NTNG1: variants seen among roughly 807,000 people sequenced by gnomAD.
NTNG1 encodes netrin G1.
A neutral mutation model predicts 54.0 loss-of-function variants in NTNG1; 16 were observed. That is an observed-to-expected ratio of 0.30 (90% CI 0.20 to 0.45). NTNG1 has a LOEUF of 0.45. Among genes scored for constraint, NTNG1 ranks in the 20% least tolerant of loss-of-function variants. The pLI is 1.00. For synonymous variants in NTNG1, 255 were observed against 263.1 expected (o/e 0.97, Z 0.30); for missense variants, 530 against 678.7 (o/e 0.78, Z 2.43).
intron 3 of NTNG1, among the ~76,000 whole-genome samples, chr1:107,384,400 T>G (rs1031229520): frequency 6.6e-6 from 1 of 152,192 alleles, no homozygotes; most frequent in African/African-American, 2.4e-5. Context: ...GACTTTCTGG[T>G]CCTTGTTCCA....
At chr1:107,413,497 T>A (rs1557979287) in intron 5 of NTNG1, among the ~76,000 whole-genome samples, 1 of 152,154 alleles carries the variant, frequency 6.6e-6, no homozygotes, top group Non-Finnish European at 1.5e-5. Flanking sequence ...TCCTGAGGAA[T>A]GACAGCAGTG....
rs932382195 is a variant in NTNG1 at position 107,484,088 on chromosome 1, A to C, written c.*3248A>C. Among the ~76,000 whole-genome samples the C allele has an allele frequency of 6.6e-6, 1 of 152,178 alleles. No homozygotes were observed. Among genetic ancestry groups the C allele is most frequent in the Non-Finnish European group, 1.5e-5 (1 of 68,030 alleles). ...AAATGTAGGCCCCCTCTGGGGGTTT[A>C]AACTCCTGGAGGCAAGCAACATCCT... On this transcript the variant is annotated 3_prime_UTR_variant, in exon 8 of 8. Transcript: ENST00000370068.
chr1:107,244,531 T>C (rs1344226941), intron 2 of NTNG1, among the ~76,000 whole-genome samples: 2 of 152,256 alleles, frequency 1.3e-5, no homozygotes, highest in African/African-American at 2.4e-5. Context: ...GAGATCATGT[T>C]CAAGCTTTAA....
intron 2 of NTNG1, among the ~76,000 whole-genome samples, chr1:107,322,318 CT>C (rs1291476439): frequency 1.3e-5 from 2 of 152,074 alleles, no homozygotes; most frequent in Non-Finnish European, 1.5e-5. Context: ...TTCCATACCC[CT>C]GACCTCAGAT....
intron 2 of NTNG1, among the ~76,000 whole-genome samples, chr1:107,262,277 AG>A (rs1158177039): frequency 2.4e-4 from 37 of 152,334 alleles, no homozygotes; most frequent in Non-Finnish European, 4.6e-4. Context: ...GGAGACTGGG[AG>A]GACGACTAGG....
chr1:107,167,978 C>T (rs565222708), intron 2 of NTNG1, among the ~76,000 whole-genome samples: 3 of 152,150 alleles, frequency 2.0e-5, no homozygotes, highest in African/African-American at 7.2e-5. Flanking sequence ...CTGGGCACTA[C>T]AGGATGGAAG....
intron 2 of NTNG1, among the ~76,000 whole-genome samples, chr1:107,234,123 G>C (rs1661245712): frequency 6.6e-6 from 1 of 152,042 alleles, no homozygotes; most frequent in Non-Finnish European, 1.5e-5. Flanking sequence ...GGCTAGGGCT[G>C]TTAAGAGAGG....
At chr1:107,145,508 T>G (rs1654037324) in intron 1 of NTNG1, among the ~76,000 whole-genome samples, 1 of 152,076 alleles carries the variant, frequency 6.6e-6, no homozygotes. Flanking sequence ...CCTCTGCTCC[T>G]GATCTGTAAT....
chr1:107,465,051 C>T (rs956168949), intron 7 of NTNG1, among the ~76,000 whole-genome samples: 1 of 152,076 alleles, frequency 6.6e-6, no homozygotes, highest in African/African-American at 2.4e-5. Flanking sequence ...AACAGAAGCA[C>T]AAAGTTTTAA....
intron 3 of NTNG1, among the ~76,000 whole-genome samples, chr1:107,393,628 T>C (rs1204452279): frequency 6.6e-6 from 1 of 151,456 alleles, no homozygotes; most frequent in Non-Finnish European, 1.5e-5. Flanking sequence ...GAGAAAGCTG[T>C]AGCTTGGTCT....
intron 7 of NTNG1, among the ~76,000 whole-genome samples, chr1:107,442,327 T>A (rs1174657920): frequency 1.3e-5 from 2 of 152,094 alleles, no homozygotes; most frequent in African/African-American, 2.4e-5. Context: ...TAGACCTTTT[T>A]AAAAATGGGT....
chr1:107,308,106 G>A (rs1212311006), intron 2 of NTNG1, among the ~76,000 whole-genome samples: 1 of 151,200 alleles, frequency 6.6e-6, no homozygotes, highest in Non-Finnish European at 1.5e-5. Context: ...CTCCCATTCT[G>A]TATCAACTCT....
At chr1:107,300,393 G>A (rs1666247808) in intron 2 of NTNG1, among the ~76,000 whole-genome samples, 1 of 152,180 alleles carries the variant, frequency 6.6e-6, no homozygotes, top group Admixed American at 6.6e-5. Flanking sequence ...CTGCATGACA[G>A]TAACAGCTGG....
At chr1:107,305,312 A>G (rs1471843665) in intron 2 of NTNG1, among the ~76,000 whole-genome samples, 1 of 152,202 alleles carries the variant, frequency 6.6e-6, no homozygotes, top group Non-Finnish European at 1.5e-5. Flanking sequence ...GAATCGCCAC[A>G]CTGTCTTCCA....
intron 2 of NTNG1, 51 bp downstream of exon 2, chr1:107,148,890 C>T: frequency 6.5e-7 from 1 of 1,541,046 alleles, no homozygotes; most frequent in Non-Finnish European, 8.9e-7. Flanking sequence ...GGTCTAATCG[C>T]ATATGCATAC....
chr1:107,261,822 G>A (rs533516249), intron 2 of NTNG1, among the ~76,000 whole-genome samples: 3 of 152,180 alleles, frequency 2.0e-5, no homozygotes, highest in Non-Finnish European at 4.4e-5. Context: ...CAGCCTGGGC[G>A]ACAGAGTGAG....
chr1:107,181,002 A>G (rs1167316354), intron 2 of NTNG1, among the ~76,000 whole-genome samples: 1 of 152,188 alleles, frequency 6.6e-6, no homozygotes, highest in Admixed American at 6.6e-5. Context: ...GAAAGCCAGA[A>G]ACCAATGGCC....
At chr1:107,436,566 TTAAG>T (rs1255236909) in intron 6 of NTNG1, 95 bp from the exon 7 acceptor site, 7 of 962,496 alleles carry the variant, frequency 7.3e-6, no homozygotes, top group African/African-American at 1.7e-5. Context: ...ACATCTTTCT[TTAAG>T]TAAGTGATGC....
chr1:107,322,949 GT>G (rs1360073379), intron 2 of NTNG1, among the ~76,000 whole-genome samples: 3 of 152,054 alleles, frequency 2.0e-5, no homozygotes, highest in Non-Finnish European at 2.9e-5. Flanking sequence ...GTAGGAGAAA[GT>G]TGCCTCTAGG....
Sources: gnomAD v4.1 joint callset for allele counts (sites outside exome capture counted in the v4.1 genomes callset) on GRCh38, gnomAD v4.1.1 for gene constraint, MANE v1.5 for transcripts, NCBI Gene and HGNC (gene_info 2026-07-23, HGNC 2026-07-21) for gene names.